The following PTPRO variants were observed in gnomAD, a reference collection of about 807,000 sequenced individuals.
The protein encoded by PTPRO is receptor-type tyrosine-protein phosphatase O.
Under a neutral mutation model 145.2 loss-of-function variants are expected in PTPRO, and 62 were observed. That is an observed-to-expected ratio of 0.43 (90% confidence interval 0.35 to 0.53). PTPRO has a LOEUF of 0.53. PTPRO is among the 20% of genes least tolerant of loss of function. The pLI is 0.01. For synonymous variants in PTPRO, 565 were observed against 514.7 expected, an observed-to-expected ratio of 1.10 and a Z score of -1.32; for missense variants, 1,345 against 1,482.7, an observed-to-expected ratio of 0.91 and a Z score of 1.53.
chr12:15,379,307 T>G (rs965679635), intron 1 of PTPRO, among the ~76,000 whole-genome samples: 1 of 149,880 alleles, frequency 6.7e-6, no homozygotes, highest in Non-Finnish European at 1.5e-5. Flanking sequence ...TCACCTTAGG[T>G]CAGGAGTTCA....
chr12:15,533,750 T>A lies in PTPRO; in HGVS notation c.2164+7488T>A, dbSNP rs150017831. On this transcript the variant is annotated intron_variant, in intron 12 of 26. Transcript: ENST00000281171. Reference sequence around the variant, plus strand: ...ATATAGAAGTCATAGTCATTCTCCTTTAAAGAAAAATACAACTTTGGCACA... The same window carrying A: ...ATATAGAAGTCATAGTCATTCTCCTATAAAGAAAAATACAACTTTGGCACA... 6.1e-3 allele frequency among the ~76,000 whole-genome samples: 924 copies of A among 152,292 alleles called. 13 individuals carry two copies. Among genetic ancestry groups the A allele is most frequent in the African/African-American group, 0.021 (891 of 41,564 alleles).
At chr12:15,490,977 G>A (rs776667480) in intron 2 of PTPRO, among the ~76,000 whole-genome samples, 9 of 152,260 alleles carry the variant, frequency 5.9e-5, no homozygotes, top group East Asian at 3.9e-4. Context: ...TGAAATGTTC[G>A]AGGAAAGAAA....
chr12:15,539,841 T>C (rs1305815649), intron 12 of PTPRO, among the ~76,000 whole-genome samples: 1 of 144,968 alleles, frequency 6.9e-6, no homozygotes, highest in African/African-American at 2.5e-5. Flanking sequence ...TTCTAACTCC[T>C]GAGAAAATTT....
rs1565675349 is a variant in PTPRO, at chr12:15,513,111, G to GAAA, written c.1465-2387_1465-2386insAAA. 3.9e-3 allele frequency among the ~76,000 whole-genome samples: 57 copies of GAAA among 14,514 alleles called. 5 individuals are homozygous for GAAA. The highest frequency in any genetic ancestry group is 0.013 in the African/African-American group (50 of 3,738). 9.5% of individuals were successfully genotyped at this position (14,514 alleles called of 152,430 possible). On this transcript the variant is annotated intron_variant, in intron 7 of 26. Transcript: ENST00000281171. ...AAGAAAGAAGAAAGAAAGAAAGAAA[G>GAAA]GAAGGAAGGAAGGAAGGAAGGAAGG...
At chr12:15,386,548 A>T (rs1939035090) in intron 1 of PTPRO, among the ~76,000 whole-genome samples, 2 of 152,326 alleles carry the variant, frequency 1.3e-5, no homozygotes, top group East Asian at 1.9e-4. Flanking sequence ...ATGTTGAACT[A>T]TATGAAATTG....
chr12:15,576,369 T>C (rs1344122855), intron 19 of PTPRO, among the ~76,000 whole-genome samples: 3 of 152,216 alleles, frequency 2.0e-5, no homozygotes, highest in African/African-American at 4.8e-5. Context: ...AAACCTCTCT[T>C]ATCAACTTAG....
intron 1 of PTPRO, among the ~76,000 whole-genome samples, chr12:15,482,863 A>T (rs528407335): frequency 6.6e-6 from 1 of 152,146 alleles, no homozygotes; most frequent in African/African-American, 2.4e-5. Context: ...GTGGAACAAT[A>T]ATGAGACTGA....
intron 7 of PTPRO, 24 bp from the exon 8 acceptor site, chr12:15,515,474 T>C (rs763485057): frequency 1.9e-6 from 3 of 1,612,966 alleles, no homozygotes; most frequent in Non-Finnish European, 2.5e-6. Flanking sequence ...TCTAAATAAA[T>C]CTTATTGGGT....
intron 1 of PTPRO, among the ~76,000 whole-genome samples, chr12:15,471,964 A>T (rs1307625215): frequency 1.3e-5 from 2 of 152,182 alleles, no homozygotes; most frequent in African/African-American, 2.4e-5. Context: ...CAGGTGGAAA[A>T]GGTACCCTGG....
At chr12:15,388,057 A>G (rs968977207) in intron 1 of PTPRO, among the ~76,000 whole-genome samples, 2 of 152,150 alleles carry the variant, frequency 1.3e-5, no homozygotes, top group South Asian at 4.1e-4. Flanking sequence ...TCATTATAGA[A>G]CAACCTCCAG....
intron 1 of PTPRO, among the ~76,000 whole-genome samples, chr12:15,420,148 GAAAAAAAAAAA>G (rs35302259): frequency 4.9e-5 from 4 of 81,706 alleles, no homozygotes; most frequent in African/African-American, 1.5e-4. Context: ...CTCCGACTCA[GAAAAAAAAAAA>G]AAAAAAAAAA....
At chr12:15,480,989 G>A (rs950693693) in intron 1 of PTPRO, among the ~76,000 whole-genome samples, 6 of 152,166 alleles carry the variant, frequency 3.9e-5, no homozygotes, top group Non-Finnish European at 7.3e-5. Context: ...AGAGGAACTT[G>A]CATGGCCATA....
intron 1 of PTPRO, among the ~76,000 whole-genome samples, chr12:15,451,387 A>G (rs183331539): frequency 6.6e-6 from 1 of 152,310 alleles, no homozygotes; most frequent in Admixed American, 6.5e-5. Context: ...ACAGCAGCAT[A>G]ATAATGGTGG....
Position 15,513,154 on chromosome 12 carries a change from A to G in PTPRO, c.1465-2344A>G, listed in dbSNP as rs866852843. Among the ~76,000 whole-genome samples, 16 of 31,020 alleles carry G rather than the reference A, an allele frequency of 5.2e-4. 1 individual carries two copies. Among genetic ancestry groups the G allele is most frequent in the African/African-American group, 1.1e-3 (8 of 7,566 alleles). The allele number at this position is 31,020 out of a possible 152,430, so 20.4% of individuals were successfully genotyped here. A position where few individuals can be genotyped will look rare whatever the true frequency, so the allele number is the denominator to read the frequency against. The stretch of plus-strand genomic sequence containing the variant: ...AAGGAAGGAAGGAAGAAAGAAAGAA[A>G]GAAAAAGAAAGAAAGAAAGAAAGAA... On this transcript the variant is annotated intron_variant, in intron 7 of 26. Coordinates refer to ENST00000281171, the MANE Select transcript of PTPRO (RefSeq NM_030667.3).
chr12:15,461,922 C>T (rs905779896), intron 1 of PTPRO, among the ~76,000 whole-genome samples: 3 of 152,070 alleles, frequency 2.0e-5, no homozygotes, highest in Non-Finnish European at 4.4e-5. Context: ...CCTGCTTCCT[C>T]AGTTCAACTA....
chr12:15,458,902 C>A (rs1941240618), intron 1 of PTPRO, among the ~76,000 whole-genome samples: 1 of 151,996 alleles, frequency 6.6e-6, no homozygotes, highest in South Asian at 2.1e-4. Flanking sequence ...TCCCTTGGTT[C>A]TTCATTTTAG....
intron 1 of PTPRO, among the ~76,000 whole-genome samples, chr12:15,384,182 G>C (rs1440951589): frequency 1.3e-5 from 2 of 152,174 alleles, no homozygotes; most frequent in African/African-American, 4.8e-5. Flanking sequence ...GGCCAAGGGG[G>C]AGGAGGTCCA....
intron 25 of PTPRO, among the ~76,000 whole-genome samples, chr12:15,592,809 G>T (rs1398770180): frequency 6.6e-6 from 1 of 152,180 alleles, no homozygotes; most frequent in Non-Finnish European, 1.5e-5. Flanking sequence ...TGCTACTTAT[G>T]AATGATGTTC....
chr12:15,557,644 G>C lies in PTPRO; in HGVS notation c.2627+121G>C. ...ATTATCCTTTTGTAATTTCGGTGAT[G>C]GTAGACTTTCAATGGCTAGATCTTC... On this transcript the variant is annotated intron_variant, in intron 16 of 26. Transcript: ENST00000281171. 4 of 860,158 alleles carry C rather than the reference G, an allele frequency of 4.7e-6. No individual in the cohort carries two copies. In the South Asian group the frequency reaches 5.6e-5, roughly 12 times the overall value. The allele number at this position is 860,158 out of a possible 1,614,324, so 53.3% of individuals were successfully genotyped here.
Sources: gnomAD v4.1 joint callset for allele counts (sites outside exome capture counted in the v4.1 genomes callset) on GRCh38, gnomAD v4.1.1 for gene constraint, MANE v1.5 for transcripts, NCBI Gene and HGNC (gene_info 2026-07-23, HGNC 2026-07-21) for gene names.